The following MYO5B variants were observed in gnomAD, a reference collection of about 807,000 sequenced individuals.
MYO5B encodes the protein unconventional myosin-Vb.
MYO5B carries 143 observed loss-of-function variants against 229.3 expected under a neutral mutation model. That is an observed-to-expected ratio of 0.62 (90% CI 0.54 to 0.72). MYO5B has a LOEUF of 0.72. Among genes scored for constraint, MYO5B ranks in the 30% least tolerant of loss-of-function variants. The probability of loss-of-function intolerance (pLI) is 0.00; values close to 1 mark genes in which losing one functional copy is unlikely to be tolerated. For synonymous variants in MYO5B, 918 were observed against 885.2 expected (o/e 1.04, Z -0.66); for missense variants, 2,321 against 2,331.0 (o/e 1.00, Z 0.09).
intron 2 of MYO5B, among the ~76,000 whole-genome samples, chr18:50,047,270 G>A (rs1278624365): frequency 6.6e-6 from 1 of 152,190 alleles, no homozygotes; most frequent in East Asian, 1.9e-4. Flanking sequence ...CCATCAAAAA[G>A]TGGGTGAAGG....
chr18:49,976,639 G>C (rs776937294), intron 9 of MYO5B, among the ~76,000 whole-genome samples: 1 of 152,192 alleles, frequency 6.6e-6, no homozygotes, highest in Non-Finnish European at 1.5e-5. Flanking sequence ...GAAGCTGAGT[G>C]AGGCCTCCTG....
At chr18:50,146,979 T>G (rs1599056208) in intron 1 of MYO5B, among the ~76,000 whole-genome samples, 1 of 152,122 alleles carries the variant, frequency 6.6e-6, no homozygotes, top group African/African-American at 2.4e-5. Context: ...CCACATAAAT[T>G]CTTTCCCTGT....
intron 4 of MYO5B, among the ~76,000 whole-genome samples, chr18:50,018,956 A>T (rs1034036480): frequency 6.6e-6 from 1 of 152,226 alleles, no homozygotes; most frequent in Non-Finnish European, 1.5e-5. Context: ...ACCAGCTGGG[A>T]TGAAGATCTA....
intron 16 of MYO5B, among the ~76,000 whole-genome samples, chr18:49,931,588 C>A (rs1332141499): frequency 6.6e-6 from 1 of 152,198 alleles, no homozygotes; most frequent in Non-Finnish European, 1.5e-5. Flanking sequence ...GAGCACCTCA[C>A]TGCCTGCTCA....
intron 30 of MYO5B, among the ~76,000 whole-genome samples, chr18:49,854,173 G>T (rs529144911): frequency 6.6e-6 from 1 of 152,206 alleles, no homozygotes; most frequent in South Asian, 2.1e-4. Context: ...ATTATTACTA[G>T]CCCCATTTTA....
At chr18:49,970,529 G>C (rs1053224192) in intron 10 of MYO5B, among the ~76,000 whole-genome samples, 13 of 152,222 alleles carry the variant, frequency 8.5e-5, no homozygotes, top group Non-Finnish European at 1.8e-4. Flanking sequence ...CAGTGATGGG[G>C]AGAAATGTGT....
chr18:49,975,295 A>T (rs2025737938), intron 9 of MYO5B, among the ~76,000 whole-genome samples: 1 of 152,204 alleles, frequency 6.6e-6, no homozygotes, highest in African/African-American at 2.4e-5. Flanking sequence ...CCTACTCTGT[A>T]AAATAACATG....
At chr18:49,990,352 A>G in intron 7 of MYO5B, 87 bp downstream of exon 7, 1 of 1,129,522 alleles carries the variant, frequency 8.9e-7, no homozygotes, top group Non-Finnish European at 1.3e-6. Context: ...AGAACCCATG[A>G]CGGAGGGCTT....
At chr18:50,067,734 T>C (rs1197039379) in intron 1 of MYO5B, among the ~76,000 whole-genome samples, 1 of 152,168 alleles carries the variant, frequency 6.6e-6, no homozygotes, top group African/African-American at 2.4e-5. Flanking sequence ...CTGCCATGAG[T>C]GGAAGCAGCC....
intron 1 of MYO5B, among the ~76,000 whole-genome samples, chr18:50,134,776 C>T (rs1286979561): frequency 6.6e-6 from 1 of 152,092 alleles, no homozygotes; most frequent in Non-Finnish European, 1.5e-5. Context: ...CATATATTCT[C>T]TTCATGGAAT....
chr18:49,893,107 G>A (rs1039458848), intron 22 of MYO5B, among the ~76,000 whole-genome samples: 2 of 152,172 alleles, frequency 1.3e-5, no homozygotes, highest in African/African-American at 2.4e-5. Context: ...GGAGACTTGG[G>A]TGTTTAGAGT....
chr18:50,080,338 G>A (rs145019722), intron 1 of MYO5B, among the ~76,000 whole-genome samples: 5 of 152,276 alleles, frequency 3.3e-5, no homozygotes, highest in East Asian at 1.9e-4. Flanking sequence ...GGGAGGTGCT[G>A]CCCTCACTTC....
rs531460041 is a variant in MYO5B at position 49,952,806 on chromosome 18, T to G, written c.1752+454A>C. Reference sequence around the variant, plus strand: ...CATTAAGTTTCTGCTTATAGAGAGGTTCTATAGACTGCTGAACAAATTAAA... The same window carrying G: ...CATTAAGTTTCTGCTTATAGAGAGGGTCTATAGACTGCTGAACAAATTAAA... On this transcript the variant is annotated intron_variant, in intron 14 of 39. Coordinates refer to ENST00000285039, the MANE Select transcript of MYO5B (RefSeq NM_001080467.3). Among the ~76,000 whole-genome samples, 3 of 151,918 alleles carry G rather than the reference T, an allele frequency of 2.0e-5. No homozygotes were observed. In the South Asian group the frequency reaches 6.3e-4, roughly 32 times the overall value.
intron 1 of MYO5B, among the ~76,000 whole-genome samples, chr18:50,188,719 A>G (rs4939955): frequency 0.55 from 80,505 of 146,960 alleles, 21,806 homozygotes; most frequent in Admixed American, 0.63. Flanking sequence ...CCCAGGAGGC[A>G]GAGGTTGCAG....
intron 1 of MYO5B, among the ~76,000 whole-genome samples, chr18:50,075,298 G>C (rs1460947050): frequency 6.6e-6 from 1 of 152,106 alleles, no homozygotes; most frequent in African/African-American, 2.4e-5. Context: ...AGGCAGGATG[G>C]AGAAGGAAGG....
At chr18:50,075,129 G>A (rs1270147078) in intron 1 of MYO5B, among the ~76,000 whole-genome samples, 1 of 152,144 alleles carries the variant, frequency 6.6e-6, no homozygotes, top group Non-Finnish European at 1.5e-5. Flanking sequence ...CATCTCTAGT[G>A]CCAAGTGTAC....
chr18:50,125,959 A>G (rs2032155515), intron 1 of MYO5B, among the ~76,000 whole-genome samples: 1 of 152,200 alleles, frequency 6.6e-6, no homozygotes. Flanking sequence ...GCAAATCCAT[A>G]GAGACAGAAA....
intron 14 of MYO5B, among the ~76,000 whole-genome samples, chr18:49,942,352 C>T (rs1264496460): frequency 1.7e-5 from 2 of 120,596 alleles, no homozygotes. Context: ...CAAATGGGAT[C>T]TAATTAAACT....
chr18:50,136,365 T>A (rs1248744299), intron 1 of MYO5B, among the ~76,000 whole-genome samples: 3 of 8,342 alleles, frequency 3.6e-4, no homozygotes, highest in Non-Finnish European at 1.3e-3. Context: ...TTTTTTTTAC[T>A]TTTTTTTTTT....
Sources: allele counts gnomAD v4.1 joint callset (sites outside exome capture counted in the v4.1 genomes callset), GRCh38; gene constraint gnomAD v4.1.1; transcripts MANE v1.5; gene names NCBI Gene and HGNC (gene_info 2026-07-23, HGNC 2026-07-21).